The following GRIK3 variants were observed in gnomAD, a reference collection of about 807,000 sequenced individuals.
The protein encoded by GRIK3 is glutamate ionotropic receptor kainate type subunit 3.
GRIK3 carries 29 observed loss-of-function variants against 102.5 expected under a neutral mutation model. That is an observed-to-expected ratio of 0.28 (90% CI 0.21 to 0.39). GRIK3 has a LOEUF of 0.39. Among genes scored for constraint, GRIK3 ranks in the 10% least tolerant of loss-of-function variants. The probability of loss-of-function intolerance (pLI) is 1.00; values close to 1 mark genes in which losing one functional copy is unlikely to be tolerated. For missense variants in GRIK3, 908 were observed against 1,252.4 expected (o/e 0.73, Z 4.15); for synonymous variants, 511 against 504.9 (o/e 1.01, Z -0.16).
chr1:36,841,823 A>G lies in GRIK3; in HGVS notation c.1443T>C (p.Tyr481=), dbSNP rs1640455082. 6.2e-7 allele frequency: 1 copy of G among 1,614,036 alleles called. No homozygotes were observed. Among genetic ancestry groups the G allele is most frequent in the Non-Finnish European group, 8.5e-7 (1 of 1,180,030 alleles). Residue 481 remains tyrosine (Y), a synonymous_variant, in exon 10 of 16, where the codon TAT becomes TAC. Coordinates refer to ENST00000373091, the MANE Select transcript of GRIK3 (RefSeq NM_000831.4). The part of the protein sequence containing the change: ...KELAHILGFS[Y]EIRLVEDGKY... ...TGCCGTCCTCCACCAGCCGGATCTC[A>G]TAGGAGAAACCAAGGATGTGGGCCA...
At chr1:37,026,368 T>C (rs1418777366) in intron 1 of GRIK3, among the ~76,000 whole-genome samples, 1 of 151,986 alleles carries the variant, frequency 6.6e-6, no homozygotes, top group Non-Finnish European at 1.5e-5. Flanking sequence ...GGCCCATGGG[T>C]ATGTGAGCGA....
At chr1:36,814,903 C>T (rs1156966632) in intron 13 of GRIK3, among the ~76,000 whole-genome samples, 1 of 152,194 alleles carries the variant, frequency 6.6e-6, no homozygotes, top group African/African-American at 2.4e-5. Flanking sequence ...AGAGATGCAT[C>T]ACACATATGT....
intron 1 of GRIK3, among the ~76,000 whole-genome samples, chr1:36,943,672 G>T (rs1641751167): frequency 6.6e-6 from 1 of 152,178 alleles, no homozygotes; most frequent in Non-Finnish European, 1.5e-5. Context: ...ATAAATAAAA[G>T]AAAATGAACG....
At chr1:36,834,692 G>A (rs1027193025) in intron 10 of GRIK3, among the ~76,000 whole-genome samples, 8 of 152,094 alleles carry the variant, frequency 5.3e-5, no homozygotes, top group African/African-American at 1.4e-4. Flanking sequence ...GCTTCAGGGC[G>A]CACTCCAAAG....
intron 1 of GRIK3, among the ~76,000 whole-genome samples, chr1:36,952,487 G>A (rs1641856971): frequency 1.3e-5 from 2 of 152,242 alleles, no homozygotes; most frequent in African/African-American, 4.8e-5. Flanking sequence ...GTGACCACTA[G>A]TGAGTTTCTT....
intron 10 of GRIK3, among the ~76,000 whole-genome samples, chr1:36,837,667 G>C (rs937536705): frequency 3.3e-5 from 5 of 152,022 alleles, no homozygotes; most frequent in African/African-American, 1.2e-4. Context: ...CCAGTTCCTC[G>C]GTTCAGCACC....
chr1:36,826,532 G>A (rs1213257853), intron 10 of GRIK3, among the ~76,000 whole-genome samples: 3 of 152,106 alleles, frequency 2.0e-5, no homozygotes, highest in African/African-American at 7.3e-5. Flanking sequence ...GCTGGGTACA[G>A]TGGCACGTGC....
In GRIK3 at chr1:36,805,107, G is replaced by A; in HGVS notation, c.2445C>T (p.Ala815=). 6.2e-7 allele frequency: 1 copy of A among 1,614,170 alleles called. No individual in the cohort carries two copies. Among genetic ancestry groups the A allele is most frequent in the South Asian group, 1.1e-5 (1 of 91,074 alleles). The part of the protein sequence containing the change: ...CPEEENKEAS[A]LGIQKIGGIF... ...TGCCCCCGATCTTCTGGATCCCCAG[G>A]GCACTGGCCTCTTTGTTTTCCTCCT... The change falls in exon 15 of 16, where the codon GCC becomes GCT. Residue 815 remains alanine, a synonymous_variant. Coordinates refer to ENST00000373091, the MANE Select transcript of GRIK3 (RefSeq NM_000831.4).
chr1:36,960,964 G>T (rs1329184279), intron 1 of GRIK3, among the ~76,000 whole-genome samples: 1 of 152,126 alleles, frequency 6.6e-6, no homozygotes, highest in Non-Finnish European at 1.5e-5. Flanking sequence ...ACAACACATA[G>T]GTCACCACCA....
intron 1 of GRIK3, among the ~76,000 whole-genome samples, chr1:37,009,430 C>A (rs1642565821): frequency 6.6e-6 from 1 of 152,248 alleles, no homozygotes; most frequent in Non-Finnish European, 1.5e-5. Context: ...CTCTGTGGAG[C>A]TAGGCTCTGG....
At chr1:37,026,307 A>G (rs1642763995) in intron 1 of GRIK3, among the ~76,000 whole-genome samples, 1 of 152,146 alleles carries the variant, frequency 6.6e-6, no homozygotes, top group Non-Finnish European at 1.5e-5. Context: ...GTTGCTCCCT[A>G]TCACAGTGAA....
chr1:37,032,836 G>A (rs1161508309), intron 1 of GRIK3, among the ~76,000 whole-genome samples: 1 of 152,168 alleles, frequency 6.6e-6, no homozygotes, highest in Non-Finnish European at 1.5e-5. Context: ...CCGCCTCCTA[G>A]GAAAATCTCA....
chr1:36,926,027 A>T (rs1557427794), intron 1 of GRIK3, among the ~76,000 whole-genome samples: 1 of 152,114 alleles, frequency 6.6e-6, no homozygotes, highest in East Asian at 1.9e-4. Context: ...TTGTTCACTA[A>T]CTCCCAAGGT....
At chr1:37,016,868 G>C (rs542252127) in intron 1 of GRIK3, among the ~76,000 whole-genome samples, 5 of 152,108 alleles carry the variant, frequency 3.3e-5, no homozygotes, top group African/African-American at 1.2e-4. Flanking sequence ...TTTAGAAAGA[G>C]AATTTCTTGA....
intron 5 of GRIK3, among the ~76,000 whole-genome samples, chr1:36,869,359 C>T (rs1160868273): frequency 6.6e-6 from 1 of 152,164 alleles, no homozygotes; most frequent in East Asian, 1.9e-4. Context: ...ATAGTGAATA[C>T]TTCCAGAGCT....
chr1:36,941,463 G>A (rs921931691), intron 1 of GRIK3, among the ~76,000 whole-genome samples: 15 of 152,216 alleles, frequency 9.9e-5, no homozygotes, highest in Non-Finnish European at 2.1e-4. Context: ...GCCCGGGCTG[G>A]GGGTGGCTTC....
chr1:36,943,986 G>T (rs867029840), intron 1 of GRIK3, among the ~76,000 whole-genome samples: 5 of 152,296 alleles, frequency 3.3e-5, no homozygotes, highest in Middle Eastern at 3.4e-3. Flanking sequence ...ACTTTAGCTT[G>T]GCAGAAAGAT....
intron 1 of GRIK3, among the ~76,000 whole-genome samples, chr1:37,023,762 A>G (rs12040577): frequency 6.6e-6 from 1 of 152,204 alleles, no homozygotes; most frequent in Admixed American, 6.5e-5. Flanking sequence ...CCCAACCCCA[A>G]CCATACTATA....
chr1:37,012,849 C>T (rs996330167), intron 1 of GRIK3, among the ~76,000 whole-genome samples: 2 of 152,208 alleles, frequency 1.3e-5, no homozygotes, highest in Non-Finnish European at 2.9e-5. Context: ...ACCCTGCTCA[C>T]TGTTGGGAGG....
Sources: allele counts gnomAD v4.1 joint callset (sites outside exome capture counted in the v4.1 genomes callset), GRCh38; gene constraint gnomAD v4.1.1; transcripts MANE v1.5; gene names NCBI Gene and HGNC (gene_info 2026-07-23, HGNC 2026-07-21).